Variants in RO60 observed in about 807,000 individuals in gnomAD.
RO60 encodes Ro60, Y RNA binding protein.
RO60 carries 20 observed loss-of-function variants against 55.3 expected under a neutral mutation model. The ratio of observed to expected loss-of-function variants is 0.36; its 90% confidence interval spans 0.25 to 0.53. RO60 has a LOEUF of 0.53. RO60 is among the 20% of genes least tolerant of loss of function. RO60 has a pLI of 0.92. For synonymous variants in RO60, 213 were observed against 213.6 expected (o/e 1.00, Z 0.02); for missense variants, 558 against 646.6 (o/e 0.86, Z 1.49).
intron 3 of RO60, among the ~76,000 whole-genome samples, chr1:193,076,263 T>TA (rs937288522): frequency 1.1e-4 from 17 of 150,164 alleles, no homozygotes; most frequent in African/African-American, 2.7e-4. Flanking sequence ...CCTTGCTAAT[T>TA]AAAAAAAAAA....
downstream of RO60, chr1:193,091,392 G>A (rs193097349): frequency 2.9e-6 from 1 of 339,606 alleles, no homozygotes; most frequent in Non-Finnish European, 5.3e-6. Flanking sequence ...GGTGCTTAAA[G>A]TTATGTAAAA....
rs1673885362 is a variant in RO60, at chr1:193,075,965, A to G, written c.726A>G (p.Leu242=). 1 of 1,613,192 alleles carries G rather than the reference A, an allele frequency of 6.2e-7. No individual in the cohort carries two copies. The change falls in exon 3 of 9, where the codon CTA becomes CTG. Residue 242 remains leucine (L), a synonymous_variant. Coordinates refer to ENST00000400968, the MANE Select transcript of RO60 (RefSeq NM_001173524.2). Reference sequence around the variant, plus strand: ...AAGTGAAGCGCACAAGAGATGAGCTAGAAGTCATTCATCTAATAGAAGAAC... The same window carrying G: ...AAGTGAAGCGCACAAGAGATGAGCTGGAAGTCATTCATCTAATAGAAGAAC... The part of the protein sequence containing the change: ...VEKVKRTRDE[L]EVIHLIEEHR...
At position 193,059,790 on chromosome 1, in the gene RO60, G is replaced by C; in HGVS notation, c.-22+14G>C. 1 of 1,356,586 alleles carries C rather than the reference G, an allele frequency of 7.4e-7. No homozygotes were observed. Among genetic ancestry groups the C allele is most frequent in the South Asian group, 1.2e-5 (1 of 86,386 alleles). 84.0% of individuals were successfully genotyped at this position (1,356,586 alleles called of 1,614,324 possible). A position where few individuals can be genotyped will look rare whatever the true frequency, so the allele number is the denominator to read the frequency against. On this transcript the variant is annotated intron_variant, in intron 1 of 8. Transcript: ENST00000400968. The surrounding 1 kb of genome is among the most constrained non-coding windows in gnomAD (Gnocchi z 4.9). Reference sequence around the variant, plus strand: ...TGCCAGGTACAGGTGAGGACATTGCGGGAGGCCGGCTGGGAGCCTTTTGTG... The same window carrying C: ...TGCCAGGTACAGGTGAGGACATTGCCGGAGGCCGGCTGGGAGCCTTTTGTG...
chr1:193,077,134 A>C, intron 5 of RO60, 84 bp downstream of exon 5: 2 of 1,318,874 alleles, frequency 1.5e-6, no homozygotes, highest in African/African-American at 3.0e-5. Flanking sequence ...TAGTATTAAT[A>C]GTTTAATCAT....
At chr1:193,078,768 T>C (rs2103062092) in intron 5 of RO60, among the ~76,000 whole-genome samples, 1 of 152,350 alleles carries the variant, frequency 6.6e-6, no homozygotes, top group South Asian at 2.1e-4. Context: ...ATTGGAAGAC[T>C]TAATATTGTT....
At chr1:193,075,718 T>G in intron 2 of RO60, 102 bp from the exon 3 acceptor site, 1 of 823,980 alleles carries the variant, frequency 1.2e-6, no homozygotes, top group Middle Eastern at 3.3e-4. Flanking sequence ...TTAACTCTTG[T>G]GTATCCAGTT....
intron 3 of RO60, among the ~76,000 whole-genome samples, 198 bp downstream of exon 3, chr1:193,076,238 C>G (rs1673908389): frequency 6.6e-6 from 1 of 151,940 alleles, no homozygotes; most frequent in African/African-American, 2.4e-5. Flanking sequence ...TAGTTTCACT[C>G]CAGAAAATCT....
Position 193,085,282 on chromosome 1 carries a change from A to G in RO60, c.*551A>G. 9.1e-7 allele frequency: 1 copy of G among 1,094,618 alleles called. No homozygotes were observed. The highest frequency in any genetic ancestry group is 1.1e-6 in the Non-Finnish European group (1 of 898,734). 67.8% of individuals were successfully genotyped at this position (1,094,618 alleles called of 1,614,324 possible). On this transcript the variant is annotated 3_prime_UTR_variant, in exon 9 of 9. Coordinates refer to ENST00000400968, the MANE Select transcript of RO60 (RefSeq NM_001173524.2). ...TTTTACAAATTCCTTTCAGAGTTTTACTAAGATCACACAAATAACAGCTTT... is the reference window on the plus strand; with the variant it reads ...TTTTACAAATTCCTTTCAGAGTTTTGCTAAGATCACACAAATAACAGCTTT...
downstream of RO60, chr1:193,091,663 C>T (rs1237188222): frequency 6.2e-7 from 1 of 1,611,732 alleles, no homozygotes; most frequent in Non-Finnish European, 8.5e-7. Context: ...TTGCAAAATA[C>T]CCTACTAAAT....
In RO60 at chr1:193,090,417, G is replaced by A. The variant is rs1674813091; in HGVS notation, c.*5686G>A. 6.6e-6 allele frequency: 1 copy of A among 151,298 alleles called. No individual in the cohort carries two copies. The highest frequency in any genetic ancestry group is 2.1e-4 in the South Asian group (1 of 4,780). 9.4% of individuals were successfully genotyped at this position (151,298 alleles called of 1,614,324 possible). A position where few individuals can be genotyped will look rare whatever the true frequency, so the allele number is the denominator to read the frequency against. ...AATGAATAGTACTCAAAGTGTTTTT[G>A]TTGCACTGTTACTCTGAATATGGAC... On this transcript the variant is annotated 3_prime_UTR_variant, in exon 9 of 9. Transcript: ENST00000400968.
chr1:193,076,351 C>G, intron 3 of RO60, 150 bp from the exon 4 acceptor site: 2 of 787,484 alleles, frequency 2.5e-6, no homozygotes, highest in Non-Finnish European at 3.8e-6. Flanking sequence ...TTTGATAAGC[C>G]TTTTACTTAG....
At chr1:193,060,110 C>T in intron 1 of RO60, 1 of 1,213,056 alleles carries the variant, frequency 8.2e-7, no homozygotes, top group Non-Finnish European at 1.1e-6. Flanking sequence ...TCCTCCTTCT[C>T]CCGCGGCTTC....
At chr1:193,061,478 T>C (rs1291060808) in intron 1 of RO60, among the ~76,000 whole-genome samples, 1 of 152,210 alleles carries the variant, frequency 6.6e-6, no homozygotes, top group Non-Finnish European at 1.5e-5. Context: ...TTGGAAGATA[T>C]TGAGATGTGT....
intron 1 of RO60, among the ~76,000 whole-genome samples, chr1:193,061,582 G>A (rs1450609348): frequency 6.6e-6 from 1 of 152,224 alleles, no homozygotes; most frequent in Non-Finnish European, 1.5e-5. Context: ...TGTGAAACAA[G>A]TGCTATTATA....
intron 8 of RO60, among the ~76,000 whole-genome samples, chr1:193,083,521 A>G (rs1380923578): frequency 6.6e-6 from 1 of 152,244 alleles, no homozygotes; most frequent in Non-Finnish European, 1.5e-5. Context: ...TAGTGTGACT[A>G]GAAGTAGAAA....
At chr1:193,074,145 AT>A (rs1368916295) in intron 2 of RO60, among the ~76,000 whole-genome samples, 4 of 152,174 alleles carry the variant, frequency 2.6e-5, no homozygotes, top group Non-Finnish European at 5.9e-5. Context: ...ATTGCTGGAC[AT>A]TTGGGCTGGT....
In RO60 at chr1:193,086,753, A is replaced by G. The variant is rs1378000065; in HGVS notation, c.*2022A>G. 6.6e-6 allele frequency: 1 copy of G among 152,172 alleles called. No individual in the cohort carries two copies. The highest frequency in any genetic ancestry group is 1.5e-5 in the Non-Finnish European group (1 of 67,984). 9.4% of individuals were successfully genotyped at this position (152,172 alleles called of 1,614,324 possible). The stretch of plus-strand genomic sequence containing the variant: ...ATCAAGGATACAAGATTGGATGGAT[A>G]TGACCTTTCTGAAGTATTTAGGTAG... On this transcript the variant is annotated 3_prime_UTR_variant, in exon 9 of 9. Transcript: ENST00000400968.
chr1:193,091,395 A>C (rs756760921), downstream of RO60: 14 of 345,370 alleles, frequency 4.1e-5, no homozygotes, highest in Non-Finnish European at 1.6e-5. Context: ...GCTTAAAGTT[A>C]TGTAAAATCT....
At position 193,081,556 on chromosome 1, in the gene RO60, T is replaced by A. The variant is rs1020861907; in HGVS notation, c.1203+76T>A. 9 of 776,950 alleles carry A rather than the reference T, an allele frequency of 1.2e-5. 1 individual carries two copies. In the African/African-American group the frequency reaches 1.6e-4, roughly 14 times the overall value. 48.1% of individuals were successfully genotyped at this position (776,950 alleles called of 1,614,324 possible). On this transcript the variant is annotated intron_variant, in intron 6 of 8. Transcript: ENST00000400968. ...AGCAAAACTATAAGATTAATAATGA[T>A]TAAGAATTATGTTTTCACTTTTTTC...
Sources: allele counts gnomAD v4.1 joint callset (sites outside exome capture counted in the v4.1 genomes callset), GRCh38; gene constraint gnomAD v4.1.1; non-coding constraint Gnocchi (gnomAD v3.1); transcripts MANE v1.5; gene names NCBI Gene and HGNC (gene_info 2026-07-23, HGNC 2026-07-21).